The following DAB1 variants were observed in gnomAD, a reference collection of about 807,000 sequenced individuals.
The protein encoded by DAB1 is DAB adaptor protein 1.
A neutral mutation model predicts 64.6 loss-of-function variants in DAB1; 15 were observed. The ratio of observed to expected loss-of-function variants is 0.23; its 90% CI spans 0.16 to 0.36. The LOEUF (loss-of-function observed/expected upper bound fraction) is 0.36. Ranked by LOEUF, DAB1 falls within the 10% of genes least tolerant of loss-of-function variation. The pLI, the probability that DAB1 is intolerant of heterozygous loss-of-function variation, is 1.00. For synonymous variants in DAB1, 235 were observed against 251.9 expected (o/e 0.93, Z 0.64); for missense variants, 596 against 706.7 (o/e 0.84, Z 1.78).
At chr1:57,057,265 A>T (rs1011011101) in intron 9 of DAB1, among the ~76,000 whole-genome samples, 1 of 152,224 alleles carries the variant, frequency 6.6e-6, no homozygotes, top group African/African-American at 2.4e-5. Context: ...ATTATCGTTC[A>T]TTCAGTTCAG....
At chr1:58,000,305 G>T (rs1646487023) in intron 5 of DAB1, among the ~76,000 whole-genome samples, 1 of 152,180 alleles carries the variant, frequency 6.6e-6, no homozygotes, top group Non-Finnish European at 1.5e-5. Flanking sequence ...GATAAGCCAG[G>T]GTTTGGAACC....
chr1:57,604,781 T>C (rs2101590174), intron 7 of DAB1, among the ~76,000 whole-genome samples: 2 of 152,332 alleles, frequency 1.3e-5, no homozygotes, highest in Middle Eastern at 3.4e-3. Context: ...AAGTCCCTCT[T>C]CAAAAATCCT....
chr1:57,460,051 G>A lies in DAB1; in HGVS notation n.626-168885C>T, dbSNP rs1033973994. On this transcript the variant is annotated intron_variant and non_coding_transcript_variant, in intron 7 of 20. Transcript: ENST00000485760. Reference sequence around the variant, plus strand: ...TTTGTGGGGCTACCACTAGCTCATCGGGCACTTTTGTAAGGATTAGAAAAA... The same window carrying A: ...TTTGTGGGGCTACCACTAGCTCATCAGGCACTTTTGTAAGGATTAGAAAAA... 3.9e-5 allele frequency among the ~76,000 whole-genome samples: 6 copies of A among 152,088 alleles called. No homozygotes were observed. The South Asian group carries it at 8.3e-4, about 21-fold the overall frequency.
At chr1:57,076,741 T>A (rs1652030646) in intron 4 of DAB1, among the ~76,000 whole-genome samples, 1 of 152,222 alleles carries the variant, frequency 6.6e-6, no homozygotes. Flanking sequence ...ATGTTGCCCA[T>A]CCAAGGAACC....
At chr1:57,563,218 C>T (rs1408919682) in intron 7 of DAB1, among the ~76,000 whole-genome samples, 1 of 152,216 alleles carries the variant, frequency 6.6e-6, no homozygotes, top group Non-Finnish European at 1.5e-5. Context: ...AGCTGCAAAA[C>T]AAGGACTGAA....
At chr1:57,722,199 G>A (rs1038878307) in intron 6 of DAB1, among the ~76,000 whole-genome samples, 1 of 152,092 alleles carries the variant, frequency 6.6e-6, no homozygotes, top group African/African-American at 2.4e-5. Flanking sequence ...TTTATGTAAA[G>A]CCCACAGAGG....
chr1:57,056,283 C>T (rs1000012160), intron 9 of DAB1, among the ~76,000 whole-genome samples: 4 of 147,222 alleles, frequency 2.7e-5, no homozygotes, highest in South Asian at 2.2e-4. Context: ...AGGATTGCTT[C>T]GGGCCAGGAA....
chr1:57,693,127 G>T (rs1246292590), intron 6 of DAB1, among the ~76,000 whole-genome samples: 1 of 152,240 alleles, frequency 6.6e-6, no homozygotes, highest in South Asian at 2.1e-4. Flanking sequence ...AGGGCCCCTG[G>T]ACTGATCCAC....
rs531465903 is a variant in DAB1 at position 58,179,049 on chromosome 1, T to G, written n.310-28461A>C. 2.6e-5 allele frequency among the ~76,000 whole-genome samples: 4 copies of G among 152,274 alleles called. No individual in the cohort carries two copies. The South Asian group carries it at 8.3e-4, about 32-fold the overall frequency. ...GAAAGTTTTTGTAGTAAATGGGTGT[T>G]GAATTTTGTCAAATACTTTTTTGGC... On this transcript the variant is annotated intron_variant and non_coding_transcript_variant, in intron 4 of 20. Coordinates refer to the DAB1 transcript ENST00000485760.
intron 4 of DAB1, among the ~76,000 whole-genome samples, chr1:57,094,716 G>A (rs1486368431): frequency 1.3e-5 from 2 of 152,128 alleles, no homozygotes; most frequent in African/African-American, 4.8e-5. Flanking sequence ...CCTATGAGTA[G>A]ACCCACTGAA....
intron 8 of DAB1, among the ~76,000 whole-genome samples, chr1:57,067,689 G>C (rs1651054863): frequency 6.6e-6 from 1 of 152,104 alleles, no homozygotes; most frequent in African/African-American, 2.4e-5. Context: ...TCTTGCCTGA[G>C]AGAGCCCTGT....
intron 4 of DAB1, among the ~76,000 whole-genome samples, chr1:58,152,867 T>C (rs1336506432): frequency 1.3e-5 from 2 of 152,148 alleles, no homozygotes; most frequent in Non-Finnish European, 2.9e-5. Context: ...ATAGAAAGAG[T>C]TATGTACAGG....
intron 4 of DAB1, among the ~76,000 whole-genome samples, chr1:58,204,720 C>T (rs74077928): frequency 6.6e-6 from 1 of 152,058 alleles, no homozygotes; most frequent in Non-Finnish European, 1.5e-5. Context: ...AATTCCCACG[C>T]ATAAACTTCC....
chr1:58,420,376 T>C (rs963274519), intron 3 of DAB1, among the ~76,000 whole-genome samples: 1 of 152,210 alleles, frequency 6.6e-6, no homozygotes, highest in Non-Finnish European at 1.5e-5. Context: ...ACCCAAGTCA[T>C]GGGTAAAAGA....
At chr1:58,222,767 C>A (rs1659242795) in intron 4 of DAB1, among the ~76,000 whole-genome samples, 1 of 152,202 alleles carries the variant, frequency 6.6e-6, no homozygotes, top group Non-Finnish European at 1.5e-5. Flanking sequence ...ATGTTATTGT[C>A]CAGCTCCTTG....
At chr1:57,635,942 C>A (rs12036858) in intron 7 of DAB1, among the ~76,000 whole-genome samples, 72,744 of 151,354 alleles carry the variant, frequency 0.48, 18,428 homozygotes, top group East Asian at 0.69. Flanking sequence ...AAAAATACAA[C>A]AAAAATTAGC....
At chr1:57,938,569 T>C (rs10158287) in intron 5 of DAB1, among the ~76,000 whole-genome samples, 61,299 of 152,028 alleles carry the variant, frequency 0.4, 13,518 homozygotes, top group Admixed American at 0.51. Context: ...GTGCCTTTGC[T>C]TCTGTCTTAC....
At chr1:57,254,141 A>C (rs564325839) in intron 2 of DAB1, among the ~76,000 whole-genome samples, 22 of 152,354 alleles carry the variant, frequency 1.4e-4, no homozygotes, top group Admixed American at 5.2e-4. Context: ...CAAGTGAATG[A>C]ATAATGAAAT....
chr1:57,710,183 T>G (rs1211038366), intron 6 of DAB1, among the ~76,000 whole-genome samples: 1 of 152,176 alleles, frequency 6.6e-6, no homozygotes, highest in Non-Finnish European at 1.5e-5. Flanking sequence ...TGCTTGTAAG[T>G]TTTTGCAATT....
Sources: allele counts gnomAD v4.1 joint callset (sites outside exome capture counted in the v4.1 genomes callset), GRCh38; gene constraint gnomAD v4.1.1; transcripts MANE v1.5; gene names NCBI Gene and HGNC (gene_info 2026-07-23, HGNC 2026-07-21).